OR52M1: variants seen among roughly 807,000 people sequenced by gnomAD.
OR52M1 encodes olfactory receptor family 52 subfamily M member 1.
In OR52M1, 2 loss-of-function variants were observed where a neutral mutation model predicts 1.3. The ratio of observed to expected loss-of-function variants is 1.59; its 90% CI spans 0.65 to 5.01. The LOEUF (loss-of-function observed/expected upper bound fraction) is 5.01. Among genes scored for constraint, OR52M1 ranks in the 30% most tolerant of loss-of-function variants. The pLI is 0.06. For missense variants in OR52M1, 585 were observed against 403.7 expected (o/e 1.45, Z -3.85); for synonymous variants, 234 against 151.4 (o/e 1.55, Z -4.01).
chr11:4,546,101 A>G lies in OR52M1; in HGVS notation c.911A>G (p.Glu304Gly). Residue 304 changes from glutamate to glycine, a missense_variant, in exon 1 of 1, where the codon GAG (glutamate) becomes GGG (glycine). Glu to Gly is a moderately conservative substitution (Grantham distance 98). Coordinates refer to ENST00000360213, the MANE Select transcript of OR52M1 (RefSeq NM_001004137.1). Reference sequence around the variant, plus strand: ...GCTGTTCGCACCAAGCAGATCCGAGAGAGCCTTCTCCAAATACCAAGGATA... The same window carrying G: ...GCTGTTCGCACCAAGCAGATCCGAGGGAGCCTTCTCCAAATACCAAGGATA... ...VYAVRTKQIRESLLQIPRIEM... is the reference protein window; with the variant it reads ...VYAVRTKQIRGSLLQIPRIEM... The G allele has an allele frequency of 6.2e-7, 1 of 1,611,488 alleles. No individual in the cohort carries two copies. The highest frequency in any genetic ancestry group is 8.5e-7 in the Non-Finnish European group (1 of 1,178,956).
In OR52M1 at chr11:4,545,958, T is replaced by TCC; in HGVS notation, c.770_771dup (p.Ile258ProfsTer7). On this transcript the variant is annotated frameshift_variant, in exon 1 of 1. Coordinates refer to ENST00000360213, the MANE Select transcript of OR52M1 (RefSeq NM_001004137.1). LOFTEE classifies it high-confidence loss of function. ...TCTGTGCCATCCTGATCTTTTATGT[T>TCC]CCCATTGCTGTTTCTTCCCTGATTC... 6.2e-7 allele frequency: 1 copy of TCC among 1,614,102 alleles called. No individual in the cohort carries two copies. Among genetic ancestry groups the TCC allele is most frequent in the Non-Finnish European group, 8.5e-7 (1 of 1,180,008 alleles).
chr11:4,546,100 G>T lies in OR52M1; in HGVS notation c.910G>T (p.Glu304Ter). The change falls in exon 1 of 1, where the codon GAG becomes TAG. Residue 304 changes from glutamate to a stop codon, truncating the protein, a stop_gained. Coordinates refer to ENST00000360213, the MANE Select transcript of OR52M1 (RefSeq NM_001004137.1). LOFTEE classifies it low-confidence loss of function (END_TRUNC). ...TGCTGTTCGCACCAAGCAGATCCGAGAGAGCCTTCTCCAAATACCAAGGAT... is the reference window on the plus strand; with the variant it reads ...TGCTGTTCGCACCAAGCAGATCCGATAGAGCCTTCTCCAAATACCAAGGAT... ...VYAVRTKQIR[E>*]SLLQIPRIEM... 6.2e-7 allele frequency: 1 copy of T among 1,611,534 alleles called. No individual in the cohort carries two copies.
chr11:4,545,402 TTGAC>T lies in OR52M1; in HGVS notation c.213_216del (p.Asp72TrpfsTer91), dbSNP rs756802754. Reference sequence around the variant, plus strand: ...TTTTTCTTGTGCATGTTGGCTGCCATTGACCTGGTTCTGTCTACTTCCACTATAC... The same window carrying T: ...TTTTTCTTGTGCATGTTGGCTGCCATCTGGTTCTGTCTACTTCCACTATAC... On this transcript the variant is annotated frameshift_variant, in exon 1 of 1. Coordinates refer to ENST00000360213, the MANE Select transcript of OR52M1 (RefSeq NM_001004137.1). LOFTEE classifies it high-confidence loss of function. 4 of 1,614,084 alleles carry T rather than the reference TTGAC, an allele frequency of 2.5e-6. No homozygotes were observed. Among genetic ancestry groups the T allele is most frequent in the Non-Finnish European group, 3.4e-6 (4 of 1,180,020 alleles).
In OR52M1 at chr11:4,545,368, C is replaced by T. The variant is rs367950826; in HGVS notation, c.178C>T (p.Pro60Ser). The T allele has an allele frequency of 1.2e-6, 2 of 1,613,988 alleles. No individual in the cohort carries two copies. Among genetic ancestry groups the T allele is most frequent in the African/African-American group, 1.3e-5 (1 of 74,910 alleles). ...AAAGATAGAACGCAGCCTGCACCAG[C>T]CCATGTACTTTTTCTTGTGCATGTT... ...VVKIERSLHQ[P>S]MYFFLCMLAA... Residue 60 changes from proline (P) to serine (S), a missense_variant, in exon 1 of 1, where the codon CCC becomes TCC. Coordinates refer to ENST00000360213, the MANE Select transcript of OR52M1 (RefSeq NM_001004137.1).
Position 4,545,714 on chromosome 11 carries a change from A to G in OR52M1, c.524A>G (p.His175Arg). The G allele has an allele frequency of 6.2e-7, 1 of 1,613,684 alleles. No homozygotes were observed. The highest frequency in any genetic ancestry group is 8.5e-7 in the Non-Finnish European group (1 of 1,179,846). Residue 175 changes from histidine to arginine, a missense_variant, in exon 1 of 1, where the codon CAT becomes CGT. His to Arg is a conservative substitution (Grantham distance 29). Transcript: ENST00000360213. ...IRLRLPLYKTHVISHSYCEHM... is the reference protein window; with the variant it reads ...IRLRLPLYKTRVISHSYCEHM... ...CTGCGGCTGCCCCTTTATAAAACCC[A>G]TGTTATCTCCCACTCCTACTGTGAG...
chr11:4,545,769 C>A lies in OR52M1; in HGVS notation c.579C>A (p.Gly193=). 1.2e-6 allele frequency: 2 copies of A among 1,614,024 alleles called. No individual in the cohort carries two copies. Among genetic ancestry groups the A allele is most frequent in the Non-Finnish European group, 1.7e-6 (2 of 1,179,986 alleles). The change falls in exon 1 of 1, where the codon GGC becomes GGA. Residue 193 remains glycine, a synonymous_variant. Transcript: ENST00000360213. ...EHMAVVALTC[G]DSRVNNVYGL... ...TGGCTGTAGTTGCCTTGACATGTGG[C>A]GACAGCAGGGTCAATAATGTCTATG...
At position 4,545,228 on chromosome 11, in the gene OR52M1, CCTT is replaced by C; in HGVS notation, c.41_43del (p.Phe14del). ...CATAATGTCTGCTCAGTACCCAGCT[CCTT>C]CTGGCTCACTGGCATCCCAGGGCTG... is the stretch of plus-strand genomic sequence containing the variant. On this transcript the variant is annotated inframe_deletion, in exon 1 of 1. Coordinates refer to ENST00000360213, the MANE Select transcript of OR52M1 (RefSeq NM_001004137.1). 1 of 1,612,186 alleles carries C rather than the reference CCTT, an allele frequency of 6.2e-7. No homozygotes were observed. Among genetic ancestry groups the C allele is most frequent in the Non-Finnish European group, 8.5e-7 (1 of 1,179,094 alleles).
At position 4,545,838 on chromosome 11, in the gene OR52M1, T is replaced by C. The variant is rs139116462; in HGVS notation, c.648T>C (p.Ala216=). The C allele has an allele frequency of 1.6e-5, 26 of 1,614,058 alleles. No homozygotes were observed. The highest frequency in any genetic ancestry group is 2.0e-5 in the Non-Finnish European group (24 of 1,180,032). ...GFLVLILDSV[A]IAASYVMIFR... is the part of the protein sequence containing the mutation. ...TGGTGTTGATCCTGGACTCAGTGGCTATTGCTGCATCCTATGTGATGATTT... is the reference window on the plus strand; with the variant it reads ...TGGTGTTGATCCTGGACTCAGTGGCCATTGCTGCATCCTATGTGATGATTT... Residue 216 remains alanine (A), a synonymous_variant, in exon 1 of 1, where the codon GCT becomes GCC. Coordinates refer to ENST00000360213, the MANE Select transcript of OR52M1 (RefSeq NM_001004137.1).
rs764546436 is a variant in OR52M1, at chr11:4,546,136, A to T, written c.946A>T (p.Ile316Phe). 1.9e-6 allele frequency: 3 copies of T among 1,564,448 alleles called. No individual in the cohort carries two copies. Among genetic ancestry groups the T allele is most frequent in the Non-Finnish European group, 2.6e-6 (3 of 1,144,858 alleles). Reference sequence around the variant, plus strand: ...CCAAATACCAAGGATAGAAATGAAGATTAGATGATTACTATTTTCTTCTCT... The same window carrying T: ...CCAAATACCAAGGATAGAAATGAAGTTTAGATGATTACTATTTTCTTCTCT... ...LLQIPRIEMKIR is the reference protein window; with the variant it reads ...LLQIPRIEMKFR The change falls in exon 1 of 1, where the codon ATT (isoleucine) becomes TTT (phenylalanine). Residue 316 changes from isoleucine (I) to phenylalanine (F), a missense_variant. Physicochemically the swap from Ile to Phe is conservative, Grantham distance 21. Transcript: ENST00000360213.
Position 4,546,105 on chromosome 11 carries a change from C to G in OR52M1, c.915C>G (p.Ser305Arg), listed in dbSNP as rs2657167. The part of the protein sequence containing the change: ...YAVRTKQIRE[S>R]LLQIPRIEMK... ...TTCGCACCAAGCAGATCCGAGAGAG[C>G]CTTCTCCAAATACCAAGGATAGAAA... Residue 305 changes from serine (S) to arginine (R), a missense_variant, in exon 1 of 1, where the codon AGC (serine) becomes AGG (arginine). Coordinates refer to ENST00000360213, the MANE Select transcript of OR52M1 (RefSeq NM_001004137.1). 0.4 allele frequency: 637,371 copies of G among 1,606,818 alleles called. 129,177 individuals carry two copies. Among genetic ancestry groups the G allele is most frequent in the African/African-American group, 0.55 (40,716 of 74,688 alleles).
chr11:4,545,408 T>C lies in OR52M1; in HGVS notation c.218T>C (p.Leu73Pro). 1 of 1,614,190 alleles carries C rather than the reference T, an allele frequency of 6.2e-7. No homozygotes were observed. Among genetic ancestry groups the C allele is most frequent in the Non-Finnish European group, 8.5e-7 (1 of 1,179,998 alleles). ...FFLCMLAAID[L>P]VLSTSTIPKL... ...TTGTGCATGTTGGCTGCCATTGACC[T>C]GGTTCTGTCTACTTCCACTATACCC... is the stretch of plus-strand genomic sequence containing the variant. Residue 73 changes from leucine (L) to proline (P), a missense_variant, in exon 1 of 1, where the codon CTG becomes CCG. By Grantham distance (98) the Leu-to-Pro change is moderately conservative. Transcript: ENST00000360213.
Position 4,546,083 on chromosome 11 carries a change from G to T in OR52M1, c.893G>T (p.Arg298Leu). 1 of 1,613,230 alleles carries T rather than the reference G, an allele frequency of 6.2e-7. No individual in the cohort carries two copies. ...PILNPIVYAV[R>L]TKQIRESLLQ... ...CTCAATCCCATTGTCTATGCTGTTC[G>T]CACCAAGCAGATCCGAGAGAGCCTT... Residue 298 changes from arginine to leucine, a missense_variant, in exon 1 of 1, where the codon CGC (arginine) becomes CTC (leucine). Arg to Leu is a moderately radical substitution (Grantham distance 102, BLOSUM62 -2). Coordinates refer to ENST00000360213, the MANE Select transcript of OR52M1 (RefSeq NM_001004137.1).
rs138642427 is a variant in OR52M1, at chr11:4,545,799, G to A, written c.609G>A (p.Leu203=). 1.9e-6 allele frequency: 3 copies of A among 1,614,194 alleles called. No homozygotes were observed. Among genetic ancestry groups the A allele is most frequent in the South Asian group, 2.2e-5 (2 of 91,084 alleles). ...GDSRVNNVYG[L]SIGFLVLILD... is the part of the protein sequence containing the mutation. ...GCAGGGTCAATAATGTCTATGGGCT[G>A]AGCATCGGCTTTCTGGTGTTGATCC... is the stretch of plus-strand genomic sequence containing the variant. Residue 203 remains leucine, a synonymous_variant, in exon 1 of 1, where the codon CTG becomes CTA. Transcript: ENST00000360213.
rs779642009 is a variant in OR52M1, at chr11:4,545,770, G to A, written c.580G>A (p.Asp194Asn). The change falls in exon 1 of 1, where the codon GAC (aspartate) becomes AAC (asparagine). Residue 194 changes from aspartate to asparagine, a missense_variant. Physicochemically the swap from Asp to Asn is conservative, Grantham distance 23 (BLOSUM62 1). Coordinates refer to ENST00000360213, the MANE Select transcript of OR52M1 (RefSeq NM_001004137.1). ...HMAVVALTCG[D>N]SRVNNVYGLS... is the part of the protein sequence containing the mutation. ...GGCTGTAGTTGCCTTGACATGTGGC[G>A]ACAGCAGGGTCAATAATGTCTATGG... 59 of 1,613,956 alleles carry A rather than the reference G, an allele frequency of 3.7e-5. No individual in the cohort carries two copies. The highest frequency in any genetic ancestry group is 3.3e-4 in the Middle Eastern group (2 of 6,084).
In OR52M1 at chr11:4,546,141, A is replaced by C. The variant is rs1163829672; in HGVS notation, c.951A>C (p.Arg317Ser). 3.8e-6 allele frequency: 6 copies of C among 1,569,012 alleles called. No individual in the cohort carries two copies. Among genetic ancestry groups the C allele is most frequent in the South Asian group, 1.1e-5 (1 of 87,046 alleles). The change falls in exon 1 of 1, where the codon AGA (arginine) becomes AGC (serine). Residue 317 changes from arginine to serine, a missense_variant. Physicochemically the swap from Arg to Ser is moderately radical, Grantham distance 110. Coordinates refer to ENST00000360213, the MANE Select transcript of OR52M1 (RefSeq NM_001004137.1). Reference protein sequence around the residue: ...LQIPRIEMKIR With the variant: ...LQIPRIEMKIS ...TACCAAGGATAGAAATGAAGATTAG[A>C]TGATTACTATTTTCTTCTCTCTCAA...
In OR52M1 at chr11:4,545,261, C is replaced by G. The variant is rs1846936078; in HGVS notation, c.71C>G (p.Ser24Cys). ...CTCACTGGCATCCCAGGGCTGGAGT[C>G]CCTACACGTCTGGCTCTCCATCCCC... ...FWLTGIPGLE[S>C]LHVWLSIPFG... The change falls in exon 1 of 1, where the codon TCC becomes TGC. Residue 24 changes from serine (S) to cysteine (C), a missense_variant. Physicochemically the swap from Ser to Cys is moderately radical, Grantham distance 112. Transcript: ENST00000360213. The G allele has an allele frequency of 6.2e-7, 1 of 1,613,960 alleles. No homozygotes were observed. The highest frequency in any genetic ancestry group is 8.5e-7 in the Non-Finnish European group (1 of 1,179,904).
At position 4,546,141 on chromosome 11, in the gene OR52M1, A is replaced by AT; in HGVS notation, c.952dup (p.Ter318LeufsTer?). The stretch of plus-strand genomic sequence containing the variant: ...TACCAAGGATAGAAATGAAGATTAG[A>AT]TGATTACTATTTTCTTCTCTCTCAA... On this transcript the variant is annotated frameshift_variant, in exon 1 of 1. Coordinates refer to ENST00000360213, the MANE Select transcript of OR52M1 (RefSeq NM_001004137.1). LOFTEE classifies it high-confidence loss of function. 6.4e-7 allele frequency: 1 copy of AT among 1,569,012 alleles called. No homozygotes were observed. Among genetic ancestry groups the AT allele is most frequent in the Non-Finnish European group, 8.7e-7 (1 of 1,151,038 alleles).
rs141278484 is a variant in OR52M1 at position 4,545,369 on chromosome 11, C to T, written c.179C>T (p.Pro60Leu). The change falls in exon 1 of 1, where the codon CCC becomes CTC. Residue 60 changes from proline to leucine, a missense_variant. Coordinates refer to ENST00000360213, the MANE Select transcript of OR52M1 (RefSeq NM_001004137.1). ...AAGATAGAACGCAGCCTGCACCAGCCCATGTACTTTTTCTTGTGCATGTTG... is the reference window on the plus strand; with the variant it reads ...AAGATAGAACGCAGCCTGCACCAGCTCATGTACTTTTTCTTGTGCATGTTG... ...VVKIERSLHQ[P>L]MYFFLCMLAA... is the part of the protein sequence containing the mutation. 6.2e-7 allele frequency: 1 copy of T among 1,613,960 alleles called. No individual in the cohort carries two copies. The highest frequency in any genetic ancestry group is 1.3e-5 in the African/African-American group (1 of 74,892).
Position 4,545,723 on chromosome 11 carries a change from C to G in OR52M1, c.533C>G (p.Ser178Cys), listed in dbSNP as rs904156370. ...RLPLYKTHVI[S>C]HSYCEHMAVV... ...CCCCTTTATAAAACCCATGTTATCT[C>G]CCACTCCTACTGTGAGCACATGGCT... is the stretch of plus-strand genomic sequence containing the variant. Residue 178 changes from serine to cysteine, a missense_variant, in exon 1 of 1, where the codon TCC becomes TGC. Coordinates refer to ENST00000360213, the MANE Select transcript of OR52M1 (RefSeq NM_001004137.1). The G allele has an allele frequency of 1.2e-6, 2 of 1,613,828 alleles. No homozygotes were observed. The highest frequency in any genetic ancestry group is 1.7e-5 in the Admixed American group (1 of 60,010).
Sources: allele counts gnomAD v4.1 joint callset, GRCh38; gene constraint gnomAD v4.1.1; transcripts MANE v1.5; gene names NCBI Gene and HGNC (gene_info 2026-07-23, HGNC 2026-07-21).